NPAS3: variants seen among roughly 807,000 people sequenced by gnomAD.
The protein encoded by NPAS3 is neuronal PAS domain protein 3.
In NPAS3, 14 loss-of-function variants were observed where a neutral mutation model predicts 73.1. The observed-to-expected ratio is 0.19, with a 90% CI of 0.13 to 0.30. NPAS3 has a LOEUF of 0.30. NPAS3 is among the 10% of genes least tolerant of loss of function. The pLI is 1.00. For missense variants in NPAS3, 1,096 were observed against 1,250.0 expected (o/e 0.88, Z 1.86); for synonymous variants, 620 against 541.5 (o/e 1.14, Z -2.01).
intron 6 of NPAS3, among the ~76,000 whole-genome samples, chr14:33,718,465 G>A (rs111358689): frequency 0.05 from 7,631 of 152,012 alleles, 252 homozygotes; most frequent in South Asian, 0.14. Flanking sequence ...AGTCAGGTTC[G>A]TGACACCTAT....
chr14:33,091,863 A>G (rs901762353), intron 2 of NPAS3, among the ~76,000 whole-genome samples: 2 of 152,198 alleles, frequency 1.3e-5, no homozygotes, highest in Non-Finnish European at 2.9e-5. Context: ...AGAACCAATG[A>G]CAAAAACCAC....
chr14:33,631,326 C>G (rs1012521794), intron 5 of NPAS3, among the ~76,000 whole-genome samples: 5 of 152,138 alleles, frequency 3.3e-5, no homozygotes, highest in Non-Finnish European at 7.4e-5. Context: ...TAATTTTATC[C>G]TAGTTTGTGT....
chr14:33,400,486 C>T (rs1258453678), intron 4 of NPAS3, among the ~76,000 whole-genome samples: 1 of 152,096 alleles, frequency 6.6e-6, no homozygotes, highest in Admixed American at 6.6e-5. Context: ...ACAGCATTAA[C>T]TAAAGGCGAA....
intron 6 of NPAS3, among the ~76,000 whole-genome samples, chr14:33,731,971 C>A (rs2061413884): frequency 6.6e-6 from 1 of 152,072 alleles, no homozygotes; most frequent in African/African-American, 2.4e-5. Context: ...TCCAGCTTTA[C>A]CCGTAGATTT....
At chr14:33,589,115 T>C (rs994246752) in intron 5 of NPAS3, among the ~76,000 whole-genome samples, 1 of 152,234 alleles carries the variant, frequency 6.6e-6, no homozygotes, top group Non-Finnish European at 1.5e-5. Flanking sequence ...AAAGCACATA[T>C]ATTGAAATAT....
chr14:33,149,514 T>C (rs752256147), intron 2 of NPAS3, among the ~76,000 whole-genome samples: 1 of 152,220 alleles, frequency 6.6e-6, no homozygotes, highest in African/African-American at 2.4e-5. Context: ...GCAGTTGATA[T>C]CACAATTTGC....
At chr14:33,415,386 G>A (rs566440571) in intron 4 of NPAS3, among the ~76,000 whole-genome samples, 22 of 151,998 alleles carry the variant, frequency 1.4e-4, no homozygotes, top group Admixed American at 1.2e-3. Context: ...TTTATTTTAT[G>A]TCCTCCCCAG....
intron 5 of NPAS3, among the ~76,000 whole-genome samples, chr14:33,576,193 T>G (rs2056425863): frequency 6.6e-6 from 1 of 152,224 alleles, no homozygotes; most frequent in South Asian, 2.1e-4. Flanking sequence ...TCCCTTTGCA[T>G]TTGGCGTCAT....
intron 9 of NPAS3, chr14:33,780,791 C>T (rs1183871567): frequency 8.4e-6 from 3 of 357,624 alleles, no homozygotes; most frequent in African/African-American, 4.3e-5. Context: ...AAATAAACCA[C>T]TCCACCATTC....
chr14:33,627,505 G>T (rs533710042), intron 5 of NPAS3, among the ~76,000 whole-genome samples: 8 of 152,240 alleles, frequency 5.3e-5, no homozygotes, highest in East Asian at 1.9e-4. Context: ...AGATCCTCAC[G>T]TAATAGTTGA....
At chr14:33,385,927 C>T (rs2046756528) in intron 4 of NPAS3, among the ~76,000 whole-genome samples, 1 of 152,110 alleles carries the variant, frequency 6.6e-6, no homozygotes. Context: ...TTCAGAAGCC[C>T]AATCCGGGTA....
At chr14:33,782,813 TG>T (rs1228283883) in intron 9 of NPAS3, among the ~76,000 whole-genome samples, 2 of 140,248 alleles carry the variant, frequency 1.4e-5, no homozygotes, top group Non-Finnish European at 3.2e-5. Flanking sequence ...ACTTGGGGGT[TG>T]TTTTTTTTTA....
intron 4 of NPAS3, among the ~76,000 whole-genome samples, chr14:33,424,900 A>C (rs930340722): frequency 6.6e-6 from 1 of 151,980 alleles, no homozygotes; most frequent in Non-Finnish European, 1.5e-5. Context: ...AATTGAAGCA[A>C]CTCAGAGTCT....
intron 3 of NPAS3, among the ~76,000 whole-genome samples, chr14:33,289,449 C>T (rs1238057837): frequency 6.6e-6 from 1 of 152,142 alleles, no homozygotes; most frequent in Non-Finnish European, 1.5e-5. Context: ...AGTAATCTAT[C>T]CTTGGCCCTT....
intron 1 of NPAS3, among the ~76,000 whole-genome samples, chr14:33,028,076 G>C (rs1379670742): frequency 3.3e-5 from 5 of 152,054 alleles, no homozygotes; most frequent in African/African-American, 1.2e-4. Context: ...AGTTTTTTGG[G>C]GGTAAACTTA....
chr14:33,371,437 G>T (rs547676846), intron 4 of NPAS3, among the ~76,000 whole-genome samples: 63 of 152,230 alleles, frequency 4.1e-4, no homozygotes, highest in Non-Finnish European at 7.9e-4. Context: ...ATGGGATCAA[G>T]CATTTTGTGC....
chr14:33,464,272 T>C (rs2050406509), intron 4 of NPAS3, among the ~76,000 whole-genome samples: 2 of 152,212 alleles, frequency 1.3e-5, no homozygotes, highest in South Asian at 2.1e-4. Context: ...CTAGTGAAGC[T>C]AGCATGTGTA....
chr14:33,299,758 A>AT (rs899597593), intron 3 of NPAS3, among the ~76,000 whole-genome samples: 15 of 151,438 alleles, frequency 9.9e-5, no homozygotes, highest in South Asian at 2.1e-4. Flanking sequence ...ATTCCAGAGC[A>AT]TTTTTTTTTC....
intron 4 of NPAS3, among the ~76,000 whole-genome samples, chr14:33,509,056 A>G (rs1488118507): frequency 3.1e-5 from 4 of 127,686 alleles, no homozygotes; most frequent in Non-Finnish European, 5.2e-5. Context: ...TTATCCAACT[A>G]CTTTTTTTTT....
Sources: gnomAD v4.1 joint callset for allele counts (sites outside exome capture counted in the v4.1 genomes callset) on GRCh38, gnomAD v4.1.1 for gene constraint, MANE v1.5 for transcripts, NCBI Gene and HGNC (gene_info 2026-07-23, HGNC 2026-07-21) for gene names.